CLIP1: variants seen among roughly 807,000 people sequenced by gnomAD.
The protein encoded by CLIP1 is CAP-Gly domain containing linker protein 1.
A neutral mutation model predicts 161.6 loss-of-function variants in CLIP1; 66 were observed. The ratio of observed to expected loss-of-function variants is 0.41; its 90% CI spans 0.33 to 0.50. The LOEUF (loss-of-function observed/expected upper bound fraction) is 0.50, where lower values mean the gene tolerates loss of function less well. CLIP1 is among the 20% of genes least tolerant of loss of function. CLIP1 has a pLI of 0.27. For missense variants in CLIP1, 1,376 were observed against 1,702.0 expected (o/e 0.81, Z 3.37); for synonymous variants, 598 against 626.2 (o/e 0.96, Z 0.67).
chr12:122,309,096 A>G (rs1055474092), intron 20 of CLIP1, among the ~76,000 whole-genome samples: 2 of 152,258 alleles, frequency 1.3e-5, no homozygotes, highest in Non-Finnish European at 2.9e-5. Flanking sequence ...GAGAAGAATA[A>G]AAGGCAGATA....
rs187840141 is a variant in CLIP1 at position 122,340,146 on chromosome 12, C to T, written c.2451+607G>A. ...AGGCTGGAGTGCAGTGGAATAATCT[C>T]AGGTCACTGCAACCTCCGCCTCCCG... is the stretch of plus-strand genomic sequence containing the variant. On this transcript the variant is annotated intron_variant, in intron 11 of 25. Coordinates refer to ENST00000620786, the MANE Select transcript of CLIP1 (RefSeq NM_001247997.2). 7.3e-5 allele frequency among the ~76,000 whole-genome samples: 11 copies of T among 150,756 alleles called. No individual in the cohort carries two copies. In the East Asian group the frequency reaches 2.1e-3, roughly 29 times the overall value.
Position 122,349,785 on chromosome 12 carries a change from G to A in CLIP1, c.1401+1326C>T, listed in dbSNP as rs531655157. ...CATGCAGACTGACACCGGGGGCAGCGGGAGCCTGTTTCGGAAGGAGAGAAG... is the reference window on the plus strand; with the variant it reads ...CATGCAGACTGACACCGGGGGCAGCAGGAGCCTGTTTCGGAAGGAGAGAAG... On this transcript the variant is annotated intron_variant, in intron 9 of 25. Transcript: ENST00000620786. Among the ~76,000 whole-genome samples the A allele has an allele frequency of 3.3e-4, 50 of 152,330 alleles. No individual in the cohort carries two copies. In the East Asian group the frequency reaches 4.6e-3, roughly 14 times the overall value.
At chr12:122,284,334 C>T (rs527547446) in intron 21 of CLIP1, among the ~76,000 whole-genome samples, 9 of 151,468 alleles carry the variant, frequency 5.9e-5, no homozygotes, top group East Asian at 1.9e-4. Flanking sequence ...GAGAACTTCA[C>T]GGCCCCAAAA....
intron 25 of CLIP1, among the ~76,000 whole-genome samples, chr12:122,273,406 C>A (rs1955254653): frequency 6.6e-6 from 1 of 152,080 alleles, no homozygotes; most frequent in Non-Finnish European, 1.5e-5. Context: ...CGTGCCACCC[C>A]ACACAGTTAC....
Position 122,336,715 on chromosome 12 carries a change from C to T in CLIP1, c.2485G>A (p.Glu829Lys). Residue 829 changes from glutamate (E) to lysine (K), a missense_variant, in exon 12 of 26, where the codon GAG becomes AAG. Glu to Lys is a moderately conservative substitution (Grantham distance 56, BLOSUM62 1). Around this residue, in one of 6 missense-constraint regions of CLIP1, gnomAD observed 948 missense variants for 1,134.8 expected, o/e 0.84. Transcript: ENST00000620786. ...TCCTGAAGGTTAGTAAGCTTTAGCTCTCTCCCCTGGAGCTCTCTGGTAATG... is the reference window on the plus strand; with the variant it reads ...TCCTGAAGGTTAGTAAGCTTTAGCTTTCTCCCCTGGAGCTCTCTGGTAATG... ...SSITRELQGR[E>K]LKLTNLQENL... 1 of 1,610,062 alleles carries T rather than the reference C, an allele frequency of 6.2e-7. No individual in the cohort carries two copies. The highest frequency in any genetic ancestry group is 8.5e-7 in the Non-Finnish European group (1 of 1,177,388).
At chr12:122,357,780 C>G (rs1242182190) in intron 5 of CLIP1, among the ~76,000 whole-genome samples, 5 of 150,054 alleles carry the variant, frequency 3.3e-5, no homozygotes, top group Middle Eastern at 3.5e-3. Flanking sequence ...AGGAGCCCCT[C>G]TGCCCGGCTA....
chr12:122,340,201 C>T (rs1490081786), intron 11 of CLIP1, among the ~76,000 whole-genome samples: 2 of 152,064 alleles, frequency 1.3e-5, no homozygotes, highest in Non-Finnish European at 2.9e-5. Context: ...CTGCCTCAGC[C>T]TCCTGGGTAG....
At chr12:122,408,229 C>CAA (rs1259000241) in intron 1 of CLIP1, among the ~76,000 whole-genome samples, 127 of 57,448 alleles carry the variant, frequency 2.2e-3, no homozygotes, top group African/African-American at 6.6e-3. Flanking sequence ...TACTCCGTCT[C>CAA]AAAAAAAAAA....
At chr12:122,402,195 G>A (rs1956167089) in intron 1 of CLIP1, among the ~76,000 whole-genome samples, 1 of 152,084 alleles carries the variant, frequency 6.6e-6, no homozygotes, top group African/African-American at 2.4e-5. Flanking sequence ...TAGCCCAGTA[G>A]ATTTAAAATA....
chr12:122,395,644 C>A (rs1380237580), intron 1 of CLIP1: 2 of 152,212 alleles, frequency 1.3e-5, no homozygotes, highest in Non-Finnish European at 2.9e-5. Flanking sequence ...TTCTCCACTG[C>A]TGACCAGCAT....
At chr12:122,325,777 C>T (rs141211679) in intron 17 of CLIP1, among the ~76,000 whole-genome samples, 43 of 152,348 alleles carry the variant, frequency 2.8e-4, no homozygotes, top group African/African-American at 9.1e-4. Context: ...CCTCAGCCTC[C>T]TGAGTAGCTG....
At chr12:122,352,594 C>T in intron 8 of CLIP1, 132 bp downstream of exon 8, 1 of 779,722 alleles carries the variant, frequency 1.3e-6, no homozygotes, top group Non-Finnish European at 2.2e-6. Flanking sequence ...ACCACAAAGC[C>T]ACCCCCAGAA....
At chr12:122,275,865 A>T (rs1468541099) in intron 24 of CLIP1, 2 of 152,262 alleles carry the variant, frequency 1.3e-5, no homozygotes, top group African/African-American at 4.8e-5. Context: ...CTCCCAACCT[A>T]GGAGAGACAG....
At chr12:122,310,425 G>A (rs1951021847) in intron 19 of CLIP1, among the ~76,000 whole-genome samples, 1 of 152,184 alleles carries the variant, frequency 6.6e-6, no homozygotes, top group Non-Finnish European at 1.5e-5. Flanking sequence ...GAGGCGGAAT[G>A]CCCCAAGGAA....
intron 21 of CLIP1, among the ~76,000 whole-genome samples, chr12:122,286,049 T>TA (rs1236685901): frequency 4.6e-5 from 7 of 152,130 alleles, no homozygotes; most frequent in Admixed American, 4.6e-4. Context: ...AGGTTTGTTT[T>TA]TAGTTTTAGT....
At chr12:122,312,299 A>C (rs1352715931) in intron 19 of CLIP1, among the ~76,000 whole-genome samples, 1 of 152,218 alleles carries the variant, frequency 6.6e-6, no homozygotes, top group Non-Finnish European at 1.5e-5. Context: ...ATTATACACC[A>C]CAAGAAACTG....
chr12:122,395,122 C>T (rs1955859177), intron 1 of CLIP1, among the ~76,000 whole-genome samples: 2 of 152,238 alleles, frequency 1.3e-5, no homozygotes, highest in South Asian at 2.1e-4. Flanking sequence ...GAAGAAAAAA[C>T]TTTATGTTTA....
chr12:122,294,138 C>T (rs1478748407), intron 20 of CLIP1, among the ~76,000 whole-genome samples: 10 of 151,160 alleles, frequency 6.6e-5, no homozygotes, highest in Non-Finnish European at 1.5e-4. Context: ...ACCATCCTGA[C>T]TAACATGGTG....
chr12:122,373,715 A>G (rs2136732008), intron 3 of CLIP1, among the ~76,000 whole-genome samples: 1 of 152,308 alleles, frequency 6.6e-6, no homozygotes, highest in East Asian at 1.9e-4. Flanking sequence ...GGTATAGTAC[A>G]TCCAAAGAGT....
Sources: allele counts gnomAD v4.1 joint callset (sites outside exome capture counted in the v4.1 genomes callset), GRCh38; gene constraint gnomAD v4.1.1; regional missense constraint gnomAD v4.1.1; transcripts MANE v1.5; gene names NCBI Gene and HGNC (gene_info 2026-07-23, HGNC 2026-07-21).